Variants in GALNTL6 observed in about 807,000 individuals in gnomAD.
GALNTL6 encodes the protein polypeptide N-acetylgalactosaminyltransferase-like 6.
GALNTL6 carries 46 observed loss-of-function variants against 73.7 expected under a neutral mutation model. The ratio of observed to expected loss-of-function variants is 0.62; its 90% CI spans 0.49 to 0.80. The LOEUF (loss-of-function observed/expected upper bound fraction) is 0.80, where lower values mean the gene tolerates loss of function less well. GALNTL6 is among the 30% of genes least tolerant of loss of function. GALNTL6 has a pLI of 0.00. For missense variants in GALNTL6, 604 were observed against 755.0 expected (o/e 0.80, Z 2.34); for synonymous variants, 259 against 263.7 (o/e 0.98, Z 0.17).
intron 9 of GALNTL6, among the ~76,000 whole-genome samples, chr4:172,935,795 C>A (rs1464549441): frequency 6.6e-6 from 1 of 152,238 alleles, no homozygotes; most frequent in East Asian, 1.9e-4. Context: ...AATTAATAGC[C>A]TACCAACCAA....
At chr4:172,776,909 G>A (rs1164335910) in intron 5 of GALNTL6, among the ~76,000 whole-genome samples, 7 of 152,098 alleles carry the variant, frequency 4.6e-5, no homozygotes, top group Admixed American at 2.6e-4. Context: ...TTATATATTT[G>A]TGCTACGCAT....
chr4:172,452,434 A>T (rs749141707), intron 5 of GALNTL6, among the ~76,000 whole-genome samples: 9 of 152,156 alleles, frequency 5.9e-5, no homozygotes, highest in Non-Finnish European at 1.3e-4. Flanking sequence ...GAGATACATT[A>T]CTAACCCCTC....
intron 2 of GALNTL6, among the ~76,000 whole-genome samples, chr4:171,916,698 T>G (rs922313397): frequency 1.3e-5 from 2 of 152,114 alleles, no homozygotes; most frequent in African/African-American, 4.8e-5. Context: ...TTTCCAGACT[T>G]CTTACTTGAA....
In GALNTL6 at chr4:171,969,768, CT is replaced by C. The variant is rs34630281; in HGVS notation, c.138+155065del. 4.1e-3 allele frequency among the ~76,000 whole-genome samples: 592 copies of C among 143,894 alleles called. 4 individuals carry two copies. The highest frequency in any genetic ancestry group is 0.024 in the South Asian group (109 of 4,542). 94.4% of individuals were successfully genotyped at this position (143,894 alleles called of 152,430 possible). ...TACATATGATAACAACTCCAAACCACTTTTTTTTTTTTTTTCCTTGAGATGG... is the reference window on the plus strand; with the variant it reads ...TACATATGATAACAACTCCAAACCACTTTTTTTTTTTTTTCCTTGAGATGG... On this transcript the variant is annotated intron_variant, in intron 2 of 12. Transcript: ENST00000506823.
chr4:173,024,664 C>T (rs1003429256), intron 12 of GALNTL6, among the ~76,000 whole-genome samples: 5 of 152,136 alleles, frequency 3.3e-5, no homozygotes, highest in Non-Finnish European at 7.4e-5. Flanking sequence ...TCACTGCAAC[C>T]TCCTTTCCCA....
At chr4:172,849,847 T>C (rs1743719734) in intron 7 of GALNTL6, among the ~76,000 whole-genome samples, 1 of 152,172 alleles carries the variant, frequency 6.6e-6, no homozygotes, top group Non-Finnish European at 1.5e-5. Context: ...ACAGGTTAGG[T>C]ACAGCATGAG....
At chr4:172,635,969 C>T (rs184897171) in intron 5 of GALNTL6, among the ~76,000 whole-genome samples, 70 of 152,190 alleles carry the variant, frequency 4.6e-4, no homozygotes, top group Non-Finnish European at 2.2e-4. Context: ...ATTTCAGATT[C>T]CTTGAAATAA....
At chr4:172,413,655 GT>G (rs70944408) in intron 5 of GALNTL6, among the ~76,000 whole-genome samples, 108,695 of 126,146 alleles carry the variant, frequency 0.86, 47,030 homozygotes, top group East Asian at 0.95. Flanking sequence ...CTTTGTATTA[GT>G]TTTTTTTTTT....
intron 3 of GALNTL6, among the ~76,000 whole-genome samples, chr4:172,295,531 G>GTTTTTTT (rs58721038): frequency 4.1e-5 from 3 of 73,160 alleles, no homozygotes; most frequent in African/African-American, 5.9e-5. Context: ...CTTTTTTTAG[G>GTTTTTTT]TTTTTTTTTT....
At chr4:172,779,730 A>T (rs1739275733) in intron 5 of GALNTL6, among the ~76,000 whole-genome samples, 1 of 152,228 alleles carries the variant, frequency 6.6e-6, no homozygotes, top group African/African-American at 2.4e-5. Flanking sequence ...TAGAATTACT[A>T]ACATTTACTG....
intron 2 of GALNTL6, among the ~76,000 whole-genome samples, chr4:172,092,550 A>G (rs1325771510): frequency 6.6e-6 from 1 of 152,146 alleles, no homozygotes; most frequent in African/African-American, 2.4e-5. Flanking sequence ...CAAAACTGTC[A>G]AAGGTTTAGA....
chr4:171,933,668 A>G (rs2111000767), intron 2 of GALNTL6, among the ~76,000 whole-genome samples: 1 of 152,262 alleles, frequency 6.6e-6, no homozygotes, highest in Middle Eastern at 3.4e-3. Context: ...TTAACAAACG[A>G]TTATGATTGG....
intron 2 of GALNTL6, among the ~76,000 whole-genome samples, chr4:172,181,734 T>G (rs78046981): frequency 6.6e-6 from 1 of 150,448 alleles, no homozygotes; most frequent in Non-Finnish European, 1.5e-5. Context: ...TTTTTTTTTT[T>G]GAGTTGGAGT....
At chr4:172,131,121 AAAG>A (rs1733479406) in intron 2 of GALNTL6, among the ~76,000 whole-genome samples, 3 of 151,958 alleles carry the variant, frequency 2.0e-5, no homozygotes, top group African/African-American at 7.2e-5. Flanking sequence ...GGCTTTTGTC[AAAG>A]AAGATTTAAT....
intron 5 of GALNTL6, among the ~76,000 whole-genome samples, chr4:172,494,276 T>C (rs1367278836): frequency 6.6e-6 from 1 of 152,212 alleles, no homozygotes; most frequent in African/African-American, 2.4e-5. Context: ...CCTTGCTATA[T>C]AGAAGTAACG....
intron 5 of GALNTL6, among the ~76,000 whole-genome samples, chr4:172,597,865 T>C (rs1737920340): frequency 6.6e-6 from 1 of 152,052 alleles, no homozygotes; most frequent in Non-Finnish European, 1.5e-5. Flanking sequence ...TCCACAAAAT[T>C]TGAAAAAGCC....
At chr4:171,975,901 A>G (rs1739706781) in intron 2 of GALNTL6, among the ~76,000 whole-genome samples, 1 of 151,756 alleles carries the variant, frequency 6.6e-6, no homozygotes, top group African/African-American at 2.4e-5. Context: ...CTTCATGCAC[A>G]AAATGTATGT....
At chr4:172,461,084 G>A (rs1299725616) in intron 5 of GALNTL6, among the ~76,000 whole-genome samples, 2 of 152,210 alleles carry the variant, frequency 1.3e-5, no homozygotes, top group African/African-American at 4.8e-5. Flanking sequence ...GGTTGAAGCT[G>A]GAAACCATCA....
chr4:172,526,836 C>G lies in GALNTL6; in HGVS notation c.553+178147C>G, dbSNP rs183928147. On this transcript the variant is annotated intron_variant, in intron 5 of 12. Transcript: ENST00000506823. The stretch of plus-strand genomic sequence containing the variant: ...TTCCACCCAAGAAAATCTCCCACCC[C>G]CCCTGCCCTGACCTTATCCATGTGT... Among the ~76,000 whole-genome samples the G allele has an allele frequency of 6.0e-3, 918 of 151,784 alleles. 3 individuals are homozygous for G. Among genetic ancestry groups the G allele is most frequent in the African/African-American group, 0.013 (526 of 41,264 alleles).
Sources: allele counts gnomAD v4.1 joint callset (sites outside exome capture counted in the v4.1 genomes callset), GRCh38; gene constraint gnomAD v4.1.1; transcripts MANE v1.5; gene names NCBI Gene and HGNC (gene_info 2026-07-23, HGNC 2026-07-21).